The following SNPH variants were observed in gnomAD, a reference collection of about 807,000 sequenced individuals.
SNPH encodes syntaphilin.
In SNPH, 10 loss-of-function variants were observed where a neutral mutation model predicts 36.8. The ratio of observed to expected loss-of-function variants is 0.27; its 90% CI spans 0.17 to 0.46. The LOEUF is 0.46. Ranked by LOEUF, SNPH falls within the 20% of genes least tolerant of loss-of-function variation. The probability of loss-of-function intolerance (pLI) is 1.00; values close to 1 mark genes in which losing one functional copy is unlikely to be tolerated. For missense variants in SNPH, 622 were observed against 744.0 expected (o/e 0.84, Z 1.91); for synonymous variants, 281 against 312.2 (o/e 0.90, Z 1.05).
intron 2 of SNPH, among the ~76,000 whole-genome samples, chr20:1,280,563 C>A (rs1027546869): frequency 1.3e-5 from 2 of 152,220 alleles, no homozygotes; most frequent in Non-Finnish European, 2.9e-5. Flanking sequence ...GTTATCTCCA[C>A]TTTATACATG....
intron 5 of SNPH, among the ~76,000 whole-genome samples, chr20:1,297,546 C>T (rs1171195241): frequency 6.6e-6 from 1 of 152,224 alleles, no homozygotes; most frequent in Non-Finnish European, 1.5e-5. Flanking sequence ...GTCAGGGACC[C>T]TGTGTCTTCT....
chr20:1,288,096 C>T (rs902119266), intron 2 of SNPH, among the ~76,000 whole-genome samples: 1 of 152,250 alleles, frequency 6.6e-6, no homozygotes, highest in Non-Finnish European at 1.5e-5. Flanking sequence ...GGAAAGCCAG[C>T]CCAGGTCACT....
chr20:1,283,667 G>A (rs1033252592), intron 2 of SNPH, among the ~76,000 whole-genome samples: 1 of 152,156 alleles, frequency 6.6e-6, no homozygotes, highest in Non-Finnish European at 1.5e-5. Context: ...TGATACGGCC[G>A]TGGGCTGCCA....
At chr20:1,297,411 C>T (rs2088452353) in intron 5 of SNPH, among the ~76,000 whole-genome samples, 159 bp downstream of exon 5, 1 of 152,246 alleles carries the variant, frequency 6.6e-6, no homozygotes, top group Non-Finnish European at 1.5e-5. Context: ...CTTTCTGAGC[C>T]TCAGTTCCTG....
At chr20:1,272,844 C>T (rs1462403422) in intron 2 of SNPH, among the ~76,000 whole-genome samples, 1 of 152,250 alleles carries the variant, frequency 6.6e-6, no homozygotes, top group Admixed American at 6.5e-5. Flanking sequence ...TGCCCCTTCC[C>T]TTTTGGCAGC....
rs1161728286 is a variant in SNPH at position 1,308,119 on chromosome 20, G to A, written c.*2065G>A. The A allele has an allele frequency of 6.5e-6, 1 of 152,700 alleles. No individual in the cohort carries two copies. The highest frequency in any genetic ancestry group is 1.5e-5 in the Non-Finnish European group (1 of 68,228). 9.5% of individuals were successfully genotyped at this position (152,700 alleles called of 1,614,324 possible). A position where few individuals can be genotyped will look rare whatever the true frequency, so the allele number is the denominator to read the frequency against. On this transcript the variant is annotated 3_prime_UTR_variant, in exon 7 of 7. Transcript: ENST00000381867. ...CCCTCTGCTCCTGTCTGTGTCTTGC[G>A]TCTGTGGCCTTCCTATTGTGTCTTG...
chr20:1,296,238 C>A lies in SNPH; in HGVS notation c.-2C>A. ...TCCTGCCGAAGGGTGAGAAGAGAAG[C>A]CATGCCGGGCAGCGGCCCCAGCGAG... On this transcript the variant is annotated 5_prime_UTR_variant, in exon 4 of 7. Transcript: ENST00000381867. 6.6e-7 allele frequency: 1 copy of A among 1,516,728 alleles called. No homozygotes were observed. The highest frequency in any genetic ancestry group is 8.8e-7 in the Non-Finnish European group (1 of 1,133,762). The allele number at this position is 1,516,728 out of a possible 1,614,324, so 94.0% of individuals were successfully genotyped here. A position where few individuals can be genotyped will look rare whatever the true frequency, so the allele number is the denominator to read the frequency against.
Position 1,305,214 on chromosome 20 carries a change from C to T in SNPH, c.777C>T (p.Tyr259=), listed in dbSNP as rs1486882305. The T allele has an allele frequency of 1.2e-6, 2 of 1,611,724 alleles. No individual in the cohort carries two copies. Among genetic ancestry groups the T allele is most frequent in the East Asian group, 4.5e-5 (2 of 44,880 alleles). The stretch of plus-strand genomic sequence containing the variant: ...GCTCCCTCACCCGCAGCTCCACCTA[C>T]ACCAAGCTGAGTGACCCGGCTGTCT... ...PARSLTRSST[Y]TKLSDPAVCG... Residue 259 remains tyrosine (Y), a synonymous_variant, in exon 7 of 7, where the codon TAC becomes TAT. Coordinates refer to ENST00000381867, the MANE Select transcript of SNPH (RefSeq NM_001318234.2).
In SNPH at chr20:1,305,990, G is replaced by T; in HGVS notation, c.1553G>T (p.Arg518Met). The stretch of plus-strand genomic sequence containing the variant: ...ACTGTGGCCTTGCACTCCATCCGCA[G>T]GATCAGCTGCCGCTCGCTGAGCCAG... The part of the protein sequence containing the change: ...CCTVALHSIR[R>M]ISCRSLSQPS... Residue 518 changes from arginine (R) to methionine (M), a missense_variant, in exon 7 of 7, where the codon AGG becomes ATG. By Grantham distance (91) the Arg-to-Met change is moderately conservative. Around this residue, in one of 3 missense-constraint regions of SNPH, gnomAD observed 379 missense variants for 427.9 expected, o/e 0.89. Coordinates refer to ENST00000381867, the MANE Select transcript of SNPH (RefSeq NM_001318234.2). 1 of 1,539,516 alleles carries T rather than the reference G, an allele frequency of 6.5e-7. No homozygotes were observed. The highest frequency in any genetic ancestry group is 1.2e-5 in the South Asian group (1 of 83,454).
chr20:1,299,743 C>T (rs1243390956), intron 5 of SNPH, among the ~76,000 whole-genome samples: 5 of 152,212 alleles, frequency 3.3e-5, no homozygotes, highest in African/African-American at 1.2e-4. Context: ...TGAACATGTG[C>T]CTGGGCTGGT....
Position 1,307,858 on chromosome 20 carries a change from T to G in SNPH, c.*1804T>G, listed in dbSNP as rs2088600911. ...CAAACCCAGATGCCTGAGGCCTGGC[T>G]GGGGCTGCCCCCGCAGGACACTGTG... is the stretch of plus-strand genomic sequence containing the variant. On this transcript the variant is annotated 3_prime_UTR_variant, in exon 7 of 7. Coordinates refer to ENST00000381867, the MANE Select transcript of SNPH (RefSeq NM_001318234.2). 6.6e-6 allele frequency: 1 copy of G among 152,340 alleles called. No homozygotes were observed. Among genetic ancestry groups the G allele is most frequent in the Admixed American group, 6.5e-5 (1 of 15,286 alleles). The allele number at this position is 152,340 out of a possible 1,614,324, so 9.4% of individuals were successfully genotyped here.
intron 5 of SNPH, 93 bp downstream of exon 5, chr20:1,297,345 C>T: frequency 1.1e-5 from 13 of 1,174,566 alleles, no homozygotes; most frequent in Non-Finnish European, 1.6e-5. Flanking sequence ...CGTGTTCTAA[C>T]CACCCCTGAC....
chr20:1,288,441 G>T (rs1483477192), intron 2 of SNPH, among the ~76,000 whole-genome samples: 1 of 152,078 alleles, frequency 6.6e-6, no homozygotes, highest in African/African-American at 2.4e-5. Context: ...GGAGCTGAGG[G>T]TCTCTCAGTG....
rs374632801 is a variant in SNPH, at chr20:1,277,295, G to A, written c.-493+10535G>A. 2.3e-4 allele frequency among the ~76,000 whole-genome samples: 35 copies of A among 152,322 alleles called. 1 individual carries two copies. In the East Asian group the frequency reaches 6.2e-3, roughly 27 times the overall value. On this transcript the variant is annotated intron_variant, in intron 2 of 6. Coordinates refer to ENST00000381867, the MANE Select transcript of SNPH (RefSeq NM_001318234.2). ...AGAAGCTTTGGTGTCCCTATCAGATGGAATCCTGGGTTGAGGGACTCCTTG... is the reference window on the plus strand; with the variant it reads ...AGAAGCTTTGGTGTCCCTATCAGATAGAATCCTGGGTTGAGGGACTCCTTG...
chr20:1,277,574 C>CTG (rs1265547143), intron 2 of SNPH, among the ~76,000 whole-genome samples: 10 of 108,674 alleles, frequency 9.2e-5, no homozygotes, highest in South Asian at 3.2e-4. Context: ...TGTCGTGTGT[C>CTG]TGTGTGTGTG....
intron 6 of SNPH, 104 bp downstream of exon 6, chr20:1,300,815 C>A: frequency 1.7e-6 from 2 of 1,160,326 alleles, no homozygotes; most frequent in Non-Finnish European, 2.4e-6. Context: ...GGCTGGGGGT[C>A]TCCCAGCATC....
chr20:1,297,889 C>A (rs937736354), intron 5 of SNPH, among the ~76,000 whole-genome samples: 1 of 152,242 alleles, frequency 6.6e-6, no homozygotes, highest in Non-Finnish European at 1.5e-5. Flanking sequence ...ATGCACTTCT[C>A]AGGGGAACAC....
At chr20:1,300,958 T>C (rs1452877422) in intron 6 of SNPH, among the ~76,000 whole-genome samples, 18 of 152,238 alleles carry the variant, frequency 1.2e-4, no homozygotes, top group Non-Finnish European at 4.4e-5. Context: ...TGAGGGCCTG[T>C]CCTGTGGGGC....
chr20:1,278,046 CTGTGTGTGTGTG>C (rs759092753), intron 2 of SNPH, among the ~76,000 whole-genome samples: 2 of 55,318 alleles, frequency 3.6e-5, no homozygotes, highest in African/African-American at 7.7e-5. Flanking sequence ...GTATGTGTGC[CTGTGTGTGTGTG>C]TCTGTGTGTG....
Sources: allele counts gnomAD v4.1 joint callset (sites outside exome capture counted in the v4.1 genomes callset), GRCh38; gene constraint gnomAD v4.1.1; regional missense constraint gnomAD v4.1.1; transcripts MANE v1.5; gene names NCBI Gene and HGNC (gene_info 2026-07-23, HGNC 2026-07-21).